NAALADL2: variants seen among roughly 807,000 people sequenced by gnomAD.
NAALADL2 encodes N-acetylated alpha-linked acidic dipeptidase like 2.
A neutral mutation model predicts 87.2 loss-of-function variants in NAALADL2; 76 were observed. The observed-to-expected ratio is 0.87, with a 90% confidence interval of 0.72 to 1.05. The LOEUF is 1.05. Among genes scored for constraint, NAALADL2 ranks in the 50% least tolerant of loss-of-function variants. The probability of loss-of-function intolerance (pLI) is 0.00; values close to 1 mark genes in which losing one functional copy is unlikely to be tolerated. For synonymous variants in NAALADL2, 354 were observed against 331.0 expected, an observed-to-expected ratio of 1.07 and a Z score of -0.75; for missense variants, 1,089 against 945.8, an observed-to-expected ratio of 1.15 and a Z score of -1.99.
chr3:174,736,224 G>T (rs1388688355), intron 2 of NAALADL2, among the ~76,000 whole-genome samples: 1 of 152,058 alleles, frequency 6.6e-6, no homozygotes, highest in East Asian at 1.9e-4. Flanking sequence ...TCTCCTTCTT[G>T]TTGCCTGCAA....
intron 2 of NAALADL2, among the ~76,000 whole-genome samples, chr3:174,605,007 C>G (rs1302381517): frequency 6.6e-6 from 1 of 152,146 alleles, no homozygotes; most frequent in Non-Finnish European, 1.5e-5. Flanking sequence ...CCCACCTCAG[C>G]CTCCCAAAGT....
intron 9 of NAALADL2, among the ~76,000 whole-genome samples, chr3:175,478,546 A>G (rs1726030975): frequency 6.6e-6 from 1 of 151,972 alleles, no homozygotes; most frequent in Non-Finnish European, 1.5e-5. Flanking sequence ...TTCAGAAGGC[A>G]GCTGATTTAT....
chr3:175,016,005 ATTATAAATCCCTCATT>A (rs1750759508), intron 1 of NAALADL2, among the ~76,000 whole-genome samples: 1 of 151,676 alleles, frequency 6.6e-6, no homozygotes, highest in African/African-American at 2.4e-5. Context: ...TTTTCTTTGC[ATTATAAATCCCTCATT>A]TTCAGGAACT....
chr3:175,400,344 T>C (rs1770408784), intron 5 of NAALADL2, among the ~76,000 whole-genome samples: 1 of 152,138 alleles, frequency 6.6e-6, no homozygotes, highest in Admixed American at 6.6e-5. Context: ...TGATCTCTTT[T>C]ATGTTGCAGA....
intron 8 of NAALADL2, among the ~76,000 whole-genome samples, chr3:175,470,353 G>A (rs754062882): frequency 3.5e-4 from 53 of 151,952 alleles, no homozygotes; most frequent in Non-Finnish European, 2.8e-4. Flanking sequence ...TAAATTTTAT[G>A]TGTTCTCATC....
At chr3:174,625,435 T>C (rs1453401349) in intron 2 of NAALADL2, among the ~76,000 whole-genome samples, 4 of 151,934 alleles carry the variant, frequency 2.6e-5, no homozygotes, top group Admixed American at 2.6e-4. Flanking sequence ...AATCATATTA[T>C]GACTAAAAAT....
chr3:174,757,218 A>G (rs1712217518), intron 3 of NAALADL2, among the ~76,000 whole-genome samples: 1 of 152,272 alleles, frequency 6.6e-6, no homozygotes, highest in Non-Finnish European at 1.5e-5. Context: ...ATGTCCAGAG[A>G]AGGTAAGACA....
At chr3:174,502,759 A>T (rs973145453) in intron 1 of NAALADL2, among the ~76,000 whole-genome samples, 1 of 152,146 alleles carries the variant, frequency 6.6e-6, no homozygotes, top group Non-Finnish European at 1.5e-5. Flanking sequence ...TGCCAGGCAC[A>T]GTGGCTGATG....
At chr3:174,928,720 T>G (rs1227063956) in intron 1 of NAALADL2, among the ~76,000 whole-genome samples, 1 of 152,208 alleles carries the variant, frequency 6.6e-6, no homozygotes, top group Non-Finnish European at 1.5e-5. Context: ...ATAGTTAAAT[T>G]ACAGTATTCA....
At chr3:174,471,263 C>G (rs1716883364) in intron 1 of NAALADL2, among the ~76,000 whole-genome samples, 1 of 151,444 alleles carries the variant, frequency 6.6e-6, no homozygotes, top group African/African-American at 2.4e-5. Flanking sequence ...CCCTTTGGGT[C>G]CTTTAAAATT....
At chr3:175,655,645 T>C (rs1263406965) in intron 11 of NAALADL2, 1 of 160,504 alleles carries the variant, frequency 6.2e-6, no homozygotes, top group Admixed American at 6.4e-5. Context: ...AGCAGTACTT[T>C]GGAGTTAAGT....
intron 1 of NAALADL2, among the ~76,000 whole-genome samples, chr3:174,474,842 A>G (rs1055565797): frequency 6.6e-6 from 1 of 152,156 alleles, no homozygotes; most frequent in African/African-American, 2.4e-5. Flanking sequence ...TTGTTATTAG[A>G]AAGAAATTAT....
rs1286383085 is a variant in NAALADL2, at chr3:174,800,699, C to T, written c.-9+62953C>T. ...TCCACCAACATCTTGCACTGTGCAC[C>T]TGGAAAAGCTGCATATGCTAAACAC... On this transcript the variant is annotated intron_variant, in intron 3 of 3. Coordinates refer to the NAALADL2 transcript ENST00000434257. 7.9e-5 allele frequency among the ~76,000 whole-genome samples: 12 copies of T among 152,284 alleles called. 1 individual carries two copies. The East Asian group carries it at 2.1e-3, about 27-fold the overall frequency.
chr3:175,269,000 A>AT (rs1235421113), intron 4 of NAALADL2, among the ~76,000 whole-genome samples: 5 of 150,086 alleles, frequency 3.3e-5, no homozygotes, highest in African/African-American at 1.2e-4. Context: ...ATGCAGTGGC[A>AT]TGATCTCAGC....
intron 5 of NAALADL2, among the ~76,000 whole-genome samples, chr3:175,382,457 C>T (rs1767894714): frequency 6.7e-6 from 1 of 148,708 alleles, no homozygotes; most frequent in African/African-American, 2.5e-5. Flanking sequence ...AATATATTAA[C>T]ATTTAAAATA....
chr3:174,832,210 A>C (rs1233957980), intron 3 of NAALADL2, among the ~76,000 whole-genome samples: 2 of 151,766 alleles, frequency 1.3e-5, no homozygotes, highest in Non-Finnish European at 2.9e-5. Context: ...TAGGGTGTCA[A>C]TTTTGGATCT....
At chr3:174,695,615 ATTATT>A (rs1046424470) in intron 2 of NAALADL2, among the ~76,000 whole-genome samples, 1 of 152,058 alleles carries the variant, frequency 6.6e-6, no homozygotes, top group African/African-American at 2.4e-5. Context: ...TAAAGAGTAT[ATTATT>A]GGATTGTTTG....
intron 3 of NAALADL2, among the ~76,000 whole-genome samples, chr3:174,830,607 G>C (rs1432709580): frequency 1.3e-5 from 2 of 151,884 alleles, no homozygotes; most frequent in African/African-American, 2.4e-5. Flanking sequence ...CTCTTTTTTG[G>C]TTCCATATGA....
chr3:174,679,928 T>C (rs953544977), intron 2 of NAALADL2, among the ~76,000 whole-genome samples: 9 of 152,164 alleles, frequency 5.9e-5, no homozygotes, highest in Non-Finnish European at 1.0e-4. Flanking sequence ...ATGATTCTTA[T>C]CTTTGAAAAG....
Sources: gnomAD v4.1 joint callset for allele counts (sites outside exome capture counted in the v4.1 genomes callset) on GRCh38, gnomAD v4.1.1 for gene constraint, MANE v1.5 for transcripts, NCBI Gene and HGNC (gene_info 2026-07-23, HGNC 2026-07-21) for gene names.